Variants in CACNA2D1 observed in about 807,000 individuals in gnomAD.
The protein encoded by CACNA2D1 is voltage-dependent calcium channel subunit alpha-2/delta-1.
In CACNA2D1, 53 loss-of-function variants were observed where a neutral mutation model predicts 171.5. The observed-to-expected ratio is 0.31, with a 90% CI of 0.25 to 0.39. CACNA2D1 has a LOEUF of 0.39. CACNA2D1 is among the 10% of genes least tolerant of loss of function. The pLI is 1.00. For synonymous variants in CACNA2D1, 442 were observed against 443.1 expected (o/e 1.00, Z 0.03); for missense variants, 903 against 1,299.8 (o/e 0.69, Z 4.69).
chr7:82,051,984 T>C (rs1354012020), intron 10 of CACNA2D1, among the ~76,000 whole-genome samples: 1 of 152,234 alleles, frequency 6.6e-6, no homozygotes, highest in Non-Finnish European at 1.5e-5. Context: ...GCGTTAGTTC[T>C]GACATCTTAT....
chr7:82,060,729 A>T lies in CACNA2D1; in HGVS notation c.780-202T>A, dbSNP rs150749864. ...AGAAATCCTGCCTTTTTTTCCTCCC[A>T]ATATCAGTATGTGTACATTTCTAAC... On this transcript the variant is annotated intron_variant, in intron 9 of 38. Coordinates refer to ENST00000356860, the MANE Select transcript of CACNA2D1 (RefSeq NM_000722.4). 6.8e-3 allele frequency among the ~76,000 whole-genome samples: 1,041 copies of T among 152,040 alleles called. 12 individuals are homozygous for T. The highest frequency in any genetic ancestry group is 0.024 in the African/African-American group (980 of 41,514).
chr7:82,166,212 A>C (rs1346466225), intron 4 of CACNA2D1, among the ~76,000 whole-genome samples: 1 of 152,092 alleles, frequency 6.6e-6, no homozygotes, highest in Admixed American at 6.6e-5. Context: ...AAGTAATTTT[A>C]ATATTATAAA....
At chr7:82,074,222 CTTT>C (rs910560498) in intron 7 of CACNA2D1, among the ~76,000 whole-genome samples, 8 of 151,976 alleles carry the variant, frequency 5.3e-5, no homozygotes, top group African/African-American at 1.5e-4. Context: ...CCCCACATCA[CTTT>C]TATTACTTTT....
intron 3 of CACNA2D1, among the ~76,000 whole-genome samples, chr7:82,251,608 G>T (rs1002614596): frequency 6.6e-6 from 1 of 152,152 alleles, no homozygotes; most frequent in East Asian, 1.9e-4. Context: ...GGTGTGAAAG[G>T]ATTAAGCTGT....
At chr7:82,131,939 G>A (rs975542742) in intron 5 of CACNA2D1, among the ~76,000 whole-genome samples, 2 of 152,122 alleles carry the variant, frequency 1.3e-5, no homozygotes, top group Non-Finnish European at 2.9e-5. Context: ...TTTGGTGAGG[G>A]TGAGTAAATT....
intron 3 of CACNA2D1, among the ~76,000 whole-genome samples, chr7:82,189,162 A>G (rs558710496): frequency 6.6e-6 from 1 of 152,122 alleles, no homozygotes; most frequent in Non-Finnish European, 1.5e-5. Flanking sequence ...GTACCCTTGA[A>G]CCTAAAACAA....
Position 82,349,657 on chromosome 7 carries a change from A to T in CACNA2D1, c.96-8T>A. 6.2e-7 allele frequency: 1 copy of T among 1,607,158 alleles called. No individual in the cohort carries two copies. The highest frequency in any genetic ancestry group is 8.5e-7 in the Non-Finnish European group (1 of 1,173,694). ...TCCACCCATGATTTGATACTGCAGA[A>T]ATCAGAAAAGATTATGTTCTATCAG... On this transcript the variant is annotated splice_polypyrimidine_tract_variant and splice_region_variant and intron_variant, in intron 1 of 38. Coordinates refer to ENST00000356860, the MANE Select transcript of CACNA2D1 (RefSeq NM_000722.4).
At chr7:82,291,556 AAT>A (rs530301332) in intron 3 of CACNA2D1, among the ~76,000 whole-genome samples, 2,671 of 139,878 alleles carry the variant, frequency 0.019, 71 homozygotes, top group Middle Eastern at 0.068. Context: ...GATATATATA[AAT>A]ATATATATTT....
chr7:82,018,996 G>C (rs777394666), intron 12 of CACNA2D1, among the ~76,000 whole-genome samples: 2 of 149,372 alleles, frequency 1.3e-5, no homozygotes, highest in Non-Finnish European at 3.0e-5. Context: ...TTGGTGGGGT[G>C]GGGGTGGGGT....
chr7:82,215,111 G>T (rs569358646), intron 3 of CACNA2D1, among the ~76,000 whole-genome samples: 1 of 152,136 alleles, frequency 6.6e-6, no homozygotes, highest in South Asian at 2.1e-4. Context: ...CCTCAGGAAA[G>T]GAACTTCAGG....
At chr7:82,276,540 G>A (rs1226452325) in intron 3 of CACNA2D1, among the ~76,000 whole-genome samples, 1 of 152,160 alleles carries the variant, frequency 6.6e-6, no homozygotes, top group Admixed American at 6.5e-5. Context: ...GGTGGCAAGA[G>A]TGTCCTCCCC....
At position 82,347,509 on chromosome 7, in the gene CACNA2D1, C is replaced by T. The variant is rs566545616; in HGVS notation, c.177+2059G>A. On this transcript the variant is annotated intron_variant, in intron 2 of 38. Coordinates refer to ENST00000356860, the MANE Select transcript of CACNA2D1 (RefSeq NM_000722.4). ...TTCTAACTGGAGCCCTGCTAAGCTC[C>T]TGTATTTATTCAACTTCTGGTCCTC... 5.3e-5 allele frequency among the ~76,000 whole-genome samples: 8 copies of T among 152,198 alleles called. No homozygotes were observed. The South Asian group carries it at 1.7e-3, about 32-fold the overall frequency.
chr7:82,094,350 T>C (rs1212490720), intron 6 of CACNA2D1, among the ~76,000 whole-genome samples: 2 of 152,214 alleles, frequency 1.3e-5, no homozygotes, highest in African/African-American at 4.8e-5. Context: ...AACATGAGGT[T>C]AATATCCTTG....
chr7:82,224,128 AAGATCGAC>A (rs1400091228), intron 3 of CACNA2D1, among the ~76,000 whole-genome samples: 1 of 152,154 alleles, frequency 6.6e-6, no homozygotes, highest in Non-Finnish European at 1.5e-5. Context: ...CTATTTGCCC[AAGATCGAC>A]AGCAGTGCCT....
At chr7:82,438,044 T>C (rs1285122341) in intron 1 of CACNA2D1, among the ~76,000 whole-genome samples, 1 of 152,190 alleles carries the variant, frequency 6.6e-6, no homozygotes, top group African/African-American at 2.4e-5. Context: ...AGCAAAACTG[T>C]CTTTAGAATC....
At chr7:81,994,763 G>A (rs1277327529) in intron 20 of CACNA2D1, 105 bp downstream of exon 20, 3 of 666,744 alleles carry the variant, frequency 4.5e-6, no homozygotes, top group Non-Finnish European at 8.1e-6. Context: ...AGATCTCCCT[G>A]TTTTATAAGT....
chr7:82,337,310 A>G (rs1166112590), intron 2 of CACNA2D1, among the ~76,000 whole-genome samples: 1 of 152,096 alleles, frequency 6.6e-6, no homozygotes, highest in Admixed American at 6.5e-5. Flanking sequence ...AAATTATATA[A>G]CTGCCCGCCA....
At chr7:82,373,420 G>A (rs1027638396) in intron 1 of CACNA2D1, among the ~76,000 whole-genome samples, 16 of 152,114 alleles carry the variant, frequency 1.1e-4, no homozygotes, top group African/African-American at 3.9e-4. Context: ...ACTAGCTCCC[G>A]TCTGTTCCTC....
intron 9 of CACNA2D1, among the ~76,000 whole-genome samples, chr7:82,063,984 A>T (rs1807284541): frequency 6.6e-6 from 1 of 151,914 alleles, no homozygotes; most frequent in African/African-American, 2.4e-5. Flanking sequence ...TTAGCCTCCC[A>T]AGTAGCTGGA....
Sources: allele counts gnomAD v4.1 joint callset (sites outside exome capture counted in the v4.1 genomes callset), GRCh38; gene constraint gnomAD v4.1.1; transcripts MANE v1.5; gene names NCBI Gene and HGNC (gene_info 2026-07-23, HGNC 2026-07-21).